The following ARHGEF7 variants were observed in gnomAD, a reference collection of about 807,000 sequenced individuals.
The protein encoded by ARHGEF7 is Rho guanine nucleotide exchange factor 7, also known as PAK-interacting exchange factor beta.
In ARHGEF7, 33 loss-of-function variants were observed where a neutral mutation model predicts 109.8. The ratio of observed to expected loss-of-function variants is 0.30; its 90% CI spans 0.23 to 0.40. ARHGEF7 has a LOEUF of 0.40. Ranked by LOEUF, ARHGEF7 falls within the 10% of genes least tolerant of loss-of-function variation. ARHGEF7 has a pLI of 1.00. For missense variants in ARHGEF7, 938 were observed against 1,098.5 expected (o/e 0.85, Z 2.07); for synonymous variants, 458 against 424.6 (o/e 1.08, Z -0.97).
intron 8 of ARHGEF7, among the ~76,000 whole-genome samples, chr13:111,264,590 G>A (rs1214653054): frequency 6.6e-6 from 1 of 152,146 alleles, no homozygotes; most frequent in African/African-American, 2.4e-5. Flanking sequence ...GGTAACTGTT[G>A]TGCTTCTGTG....
At chr13:111,301,739 G>A (rs1466683802) in intron 21 of ARHGEF7, among the ~76,000 whole-genome samples, 4 of 152,034 alleles carry the variant, frequency 2.6e-5, no homozygotes, top group Non-Finnish European at 5.9e-5. Flanking sequence ...CTGAAAATAC[G>A]AAAATTAGCT....
intron 18 of ARHGEF7, among the ~76,000 whole-genome samples, chr13:111,290,170 A>G (rs1044483136): frequency 6.6e-6 from 1 of 152,188 alleles, no homozygotes; most frequent in Non-Finnish European, 1.5e-5. Flanking sequence ...CAGTTACTTG[A>G]AATAAAATTT....
chr13:111,220,214 C>T (rs2083650036), intron 5 of ARHGEF7, among the ~76,000 whole-genome samples: 1 of 152,212 alleles, frequency 6.6e-6, no homozygotes, highest in Admixed American at 6.5e-5. Flanking sequence ...TCCAGGAGGA[C>T]ACTTGAGCCA....
At chr13:111,165,502 C>T (rs1353507636) in intron 2 of ARHGEF7, among the ~76,000 whole-genome samples, 3 of 152,166 alleles carry the variant, frequency 2.0e-5, no homozygotes, top group African/African-American at 4.8e-5. Context: ...TTGAGTTTTG[C>T]CTAACGTGAA....
intron 3 of ARHGEF7, 97 bp from the exon 4 acceptor site, chr13:111,209,775 C>T: frequency 7.1e-7 from 1 of 1,406,868 alleles, no homozygotes; most frequent in Non-Finnish European, 9.6e-7. Flanking sequence ...TTGGTGTGTC[C>T]CTCTGTGCTG....
intron 2 of ARHGEF7, among the ~76,000 whole-genome samples, chr13:111,199,592 C>T (rs930780939): frequency 2.6e-5 from 4 of 152,192 alleles, no homozygotes; most frequent in Non-Finnish European, 1.5e-5. Context: ...ATGAGTCCTC[C>T]TTTTGTCAGG....
At chr13:111,180,151 G>A (rs1172829630) in intron 2 of ARHGEF7, among the ~76,000 whole-genome samples, 2 of 152,226 alleles carry the variant, frequency 1.3e-5, no homozygotes, top group Non-Finnish European at 2.9e-5. Flanking sequence ...ACTGGAGGGT[G>A]GTGGTGGGCA....
At chr13:111,159,204 A>G in intron 2 of ARHGEF7, 1 of 636,630 alleles carries the variant, frequency 1.6e-6, no homozygotes, top group Non-Finnish European at 2.8e-6. Context: ...GTTGTTGCAA[A>G]TAACAGGATT....
intron 2 of ARHGEF7, among the ~76,000 whole-genome samples, chr13:111,160,456 T>C (rs2076657055): frequency 6.6e-6 from 1 of 152,166 alleles, no homozygotes; most frequent in East Asian, 1.9e-4. Flanking sequence ...GTTTTAACAG[T>C]ACAGGTTAAG....
At chr13:111,271,793 CTT>C (rs1334252910) in intron 9 of ARHGEF7, among the ~76,000 whole-genome samples, 2 of 152,168 alleles carry the variant, frequency 1.3e-5, no homozygotes, top group Admixed American at 6.5e-5. Flanking sequence ...TAAAATGTTT[CTT>C]GTCTTAATTT....
chr13:111,259,077 C>T (rs1347664083), intron 8 of ARHGEF7, among the ~76,000 whole-genome samples: 1 of 152,152 alleles, frequency 6.6e-6, no homozygotes, highest in Non-Finnish European at 1.5e-5. Context: ...AATAGTGCAC[C>T]AGCTAGATTC....
chr13:111,245,365 A>T (rs1232165496), intron 8 of ARHGEF7, among the ~76,000 whole-genome samples: 1 of 152,074 alleles, frequency 6.6e-6, no homozygotes, highest in Non-Finnish European at 1.5e-5. Context: ...GTATGTCACA[A>T]TCTGATTGAG....
intron 13 of ARHGEF7, 23 bp downstream of exon 13, chr13:111,277,696 A>T: frequency 6.8e-7 from 1 of 1,464,662 alleles, no homozygotes; most frequent in Non-Finnish European, 9.5e-7. Context: ...TTAAATTTAT[A>T]TTTTATTGTG....
chr13:111,217,867 G>A lies in ARHGEF7; in HGVS notation c.657G>A (p.Glu219=). The A allele has an allele frequency of 1.9e-6, 3 of 1,611,872 alleles. No individual in the cohort carries two copies. Among genetic ancestry groups the A allele is most frequent in the Non-Finnish European group, 2.5e-6 (3 of 1,178,150 alleles). ...TGWFPSNYVR[E]VKASEKPVSP... is the part of the protein sequence containing the mutation. Reference sequence around the variant, plus strand: ...GGTTCCCCAGCAACTACGTGCGCGAGGTCAAGGCCAGCGGTAAGTGGCCGA... The same window carrying A: ...GGTTCCCCAGCAACTACGTGCGCGAAGTCAAGGCCAGCGGTAAGTGGCCGA... Residue 219 remains glutamate (E), a synonymous_variant, in exon 5 of 22, where the codon GAG becomes GAA. Coordinates refer to ENST00000646102, the MANE Select transcript of ARHGEF7 (RefSeq NM_001354046.2).
intron 8 of ARHGEF7, 84 bp downstream of exon 8, chr13:111,244,378 C>T (rs1433951120): frequency 7.3e-6 from 6 of 821,222 alleles, no homozygotes; most frequent in Admixed American, 2.8e-5. Context: ...TTTTAGAATT[C>T]ACATTTCTAA....
chr13:111,166,284 G>C (rs1316279407), intron 2 of ARHGEF7, among the ~76,000 whole-genome samples: 1 of 152,208 alleles, frequency 6.6e-6, no homozygotes, highest in Non-Finnish European at 1.5e-5. Context: ...GGGAATAATA[G>C]GAAGTGAGGC....
chr13:111,188,426 G>A (rs2153441066), intron 2 of ARHGEF7, among the ~76,000 whole-genome samples: 1 of 152,342 alleles, frequency 6.6e-6, no homozygotes, highest in Middle Eastern at 3.4e-3. Flanking sequence ...TGTGCCTGGA[G>A]GTGAAGGGTG....
chr13:111,115,633 A>C lies in ARHGEF7; in HGVS notation c.107A>C (p.Lys36Thr). 2 of 1,391,288 alleles carry C rather than the reference A, an allele frequency of 1.4e-6. No individual in the cohort carries two copies. The highest frequency in any genetic ancestry group is 1.4e-5 in the South Asian group (1 of 69,972). The allele number at this position is 1,391,288 out of a possible 1,614,324, so 86.2% of individuals were successfully genotyped here. A position where few individuals can be genotyped will look rare whatever the true frequency, so the allele number is the denominator to read the frequency against. Residue 36 changes from lysine to threonine, a missense_variant, in exon 1 of 22, where the codon AAG (lysine) becomes ACG (threonine). By Grantham distance (78) the Lys-to-Thr change is moderately conservative. Coordinates refer to ENST00000646102, the MANE Select transcript of ARHGEF7 (RefSeq NM_001354046.2). ...GAGGGCTTTCTGCAGGCGTCGCTGAAGGATGGGGTGGTCCTCTGCAGGCTG... is the reference window on the plus strand; with the variant it reads ...GAGGGCTTTCTGCAGGCGTCGCTGACGGATGGGGTGGTCCTCTGCAGGCTG... ...DPEGFLQASL[K>T]DGVVLCRLLE...
Position 111,209,957 on chromosome 13 carries a change from G to A in ARHGEF7, c.423G>A (p.Leu141=), listed in dbSNP as rs2082299879. 2 of 1,614,068 alleles carry A rather than the reference G, an allele frequency of 1.2e-6. No homozygotes were observed. Residue 141 remains leucine, a synonymous_variant, in exon 4 of 22, where the codon TTG becomes TTA. Transcript: ENST00000646102. ...KSFDSLGSQS[L]HTRTSKLFQG... The stretch of plus-strand genomic sequence containing the variant: ...TTGACTCCCTTGGATCACAGTCTTT[G>A]CACACTCGGACTTCAAAACTGTTCC...
Sources: gnomAD v4.1 joint callset for allele counts (sites outside exome capture counted in the v4.1 genomes callset) on GRCh38, gnomAD v4.1.1 for gene constraint, MANE v1.5 for transcripts, NCBI Gene and HGNC (gene_info 2026-07-23, HGNC 2026-07-21) for gene names.